ERAP1: variants seen among roughly 807,000 people sequenced by gnomAD.
ERAP1 encodes endoplasmic reticulum aminopeptidase 1, also known as adipocyte-derived leucine aminopeptidase.
ERAP1 carries 86 observed loss-of-function variants against 103.7 expected under a neutral mutation model. That is an observed-to-expected ratio of 0.83 (90% CI 0.70 to 0.99). The LOEUF is 0.99. ERAP1 is among the 50% of genes least tolerant of loss of function. The pLI is 0.00. For missense variants in ERAP1, 1,009 were observed against 1,128.4 expected, an observed-to-expected ratio of 0.89 and a Z score of 1.52; for synonymous variants, 398 against 402.4, an observed-to-expected ratio of 0.99 and a Z score of 0.13.
intron 19 of ERAP1, among the ~76,000 whole-genome samples, chr5:96,766,704 G>C (rs754415873): frequency 3.3e-5 from 5 of 152,152 alleles, no homozygotes; most frequent in Non-Finnish European, 7.4e-5. Flanking sequence ...TCTTTCGTAG[G>C]TCAACCAGGC....
chr5:96,882,491 ATC>A, the ERAP1 span, among the ~76,000 whole-genome samples: 25 of 152,284 alleles, frequency 1.6e-4, no homozygotes, highest in South Asian at 8.3e-4. Context: ...AATCTTATGA[ATC>A]TCTCTCTCTT....
chr5:96,874,739 A>C, the ERAP1 span, among the ~76,000 whole-genome samples: 3 of 152,248 alleles, frequency 2.0e-5, no homozygotes, highest in Admixed American at 6.5e-5. Context: ...AGGTGGAAAA[A>C]TTAAAGCTTG....
At chr5:96,858,750 G>A in the ERAP1 span, among the ~76,000 whole-genome samples, 2 of 152,208 alleles carry the variant, frequency 1.3e-5, no homozygotes, top group South Asian at 2.1e-4. Flanking sequence ...AAGTCCCCAG[G>A]TTAGATTAAT....
At chr5:96,808,724 G>A (rs969272254), upstream of ERAP1, among the ~76,000 whole-genome samples, 2 of 152,098 alleles carry the variant, frequency 1.3e-5, no homozygotes, top group Non-Finnish European at 2.9e-5. Context: ...AATTAAAGCT[G>A]AATAAAATGG....
the ERAP1 span, chr5:96,883,898 A>G: frequency 6.2e-7 from 1 of 1,613,394 alleles, no homozygotes; most frequent in Admixed American, 1.7e-5. Context: ...ACGAAGAGAG[A>G]GCAGGCATAT....
chr5:96,887,833 A>G, the ERAP1 span, among the ~76,000 whole-genome samples: 2 of 152,234 alleles, frequency 1.3e-5, no homozygotes, highest in Non-Finnish European at 2.9e-5. Flanking sequence ...TGCTTTTGAA[A>G]AATGGGCATA....
At chr5:96,844,458 T>TTTA in the ERAP1 span, among the ~76,000 whole-genome samples, 3 of 152,180 alleles carry the variant, frequency 2.0e-5, no homozygotes, top group African/African-American at 7.2e-5. Flanking sequence ...TTATTTATTT[T>TTTA]TTGCTTAAGC....
the ERAP1 span, among the ~76,000 whole-genome samples, chr5:96,846,764 G>A: frequency 1.3e-5 from 2 of 150,554 alleles, no homozygotes; most frequent in African/African-American, 4.9e-5. Context: ...ATGCAAAAAA[G>A]TATAAACTCA....
chr5:96,785,448 A>C (rs2032890), intron 13 of ERAP1: 86,161 of 361,706 alleles, frequency 0.24, 11,345 homozygotes, highest in Middle Eastern at 0.3. Context: ...GATCCGGTAT[A>C]GCGGGGCCAG....
At chr5:96,827,462 G>A in the ERAP1 span, among the ~76,000 whole-genome samples, 1 of 152,148 alleles carries the variant, frequency 6.6e-6, no homozygotes, top group African/African-American at 2.4e-5. Context: ...AAGAGTTCGT[G>A]AACAGCCTGG....
chr5:96,932,832 T>A, the ERAP1 span, among the ~76,000 whole-genome samples: 1 of 152,348 alleles, frequency 6.6e-6, no homozygotes, highest in South Asian at 2.1e-4. Context: ...TGTATTATAA[T>A]TAACTCTCCA....
the ERAP1 span, chr5:96,881,308 A>T: frequency 2.4e-6 from 1 of 413,200 alleles, no homozygotes; most frequent in Admixed American, 2.7e-5. Flanking sequence ...AATTTGGGCC[A>T]GGCTAGTGGC....
At chr5:96,929,262 T>C in the ERAP1 span, among the ~76,000 whole-genome samples, 4 of 152,234 alleles carry the variant, frequency 2.6e-5, no homozygotes, top group Admixed American at 6.5e-5. Flanking sequence ...AAAAGTTGCC[T>C]CAGTCTCTCT....
chr5:96,924,582 C>G, the ERAP1 span, among the ~76,000 whole-genome samples: 1 of 151,614 alleles, frequency 6.6e-6, no homozygotes, highest in Non-Finnish European at 1.5e-5. Context: ...AAGTCAATAA[C>G]AATTCGGGCT....
At chr5:96,906,889 G>T in the ERAP1 span, among the ~76,000 whole-genome samples, 3 of 152,272 alleles carry the variant, frequency 2.0e-5, no homozygotes, top group African/African-American at 4.8e-5. Context: ...AAAATTAGCT[G>T]GGCATGGTGG....
At chr5:96,830,676 C>A in the ERAP1 span, among the ~76,000 whole-genome samples, 1 of 152,046 alleles carries the variant, frequency 6.6e-6, no homozygotes, top group East Asian at 1.9e-4. Context: ...CGAAAGCAAG[C>A]CAGACAAAGA....
At chr5:96,924,243 T>C in the ERAP1 span, among the ~76,000 whole-genome samples, 2 of 152,350 alleles carry the variant, frequency 1.3e-5, no homozygotes, top group Admixed American at 1.3e-4. Flanking sequence ...GCTCCTGTTT[T>C]GTTTTGAGGT....
the ERAP1 span, among the ~76,000 whole-genome samples, chr5:96,868,101 A>G: frequency 6.6e-6 from 1 of 152,094 alleles, no homozygotes. Flanking sequence ...AAACAAACAA[A>G]CAAAAAAACT....
the ERAP1 span, among the ~76,000 whole-genome samples, chr5:96,848,411 A>C: frequency 1.3e-5 from 2 of 152,194 alleles, no homozygotes; most frequent in Non-Finnish European, 2.9e-5. Flanking sequence ...CTTAAGAAAG[A>C]GAAGACTCAA....
Sources: gnomAD v4.1 joint callset for allele counts (sites outside exome capture counted in the v4.1 genomes callset) on GRCh38, gnomAD v4.1.1 for gene constraint, MANE v1.5 for transcripts, NCBI Gene and HGNC (gene_info 2026-07-23, HGNC 2026-07-21) for gene names.